Variants in FOXN3 observed in about 807,000 individuals in gnomAD.
FOXN3 encodes the protein forkhead box protein N3.
FOXN3 carries 7 observed loss-of-function variants against 38.4 expected under a neutral mutation model. That is an observed-to-expected ratio of 0.18 (90% CI 0.10 to 0.34). The LOEUF is 0.34. Among genes scored for constraint, FOXN3 ranks in the 10% least tolerant of loss-of-function variants. The pLI is 1.00. For synonymous variants in FOXN3, 230 were observed against 242.2 expected, an observed-to-expected ratio of 0.95 and a Z score of 0.47; for missense variants, 456 against 613.4, an observed-to-expected ratio of 0.74 and a Z score of 2.71.
chr14:89,312,156 G>C (rs1420148141), intron 3 of FOXN3, among the ~76,000 whole-genome samples: 4 of 151,160 alleles, frequency 2.6e-5, no homozygotes, highest in Non-Finnish European at 4.4e-5. Flanking sequence ...GTGGTGGCGG[G>C]CACCTGTAAT....
rs890811987 is a variant in FOXN3, at chr14:89,161,343, A to G, written c.*1071T>C. The G allele has an allele frequency of 2.0e-5, 3 of 151,058 alleles. No homozygotes were observed. The highest frequency in any genetic ancestry group is 7.3e-5 in the African/African-American group (3 of 41,176). 9.4% of individuals were successfully genotyped at this position (151,058 alleles called of 1,614,324 possible). On this transcript the variant is annotated 3_prime_UTR_variant, in exon 6 of 6. Coordinates refer to ENST00000557258, the MANE Select transcript of FOXN3 (RefSeq NM_005197.4). ...TCCATCAGTGTACCTTTAATCTTAA[A>G]AATACACCACAATACTAATGGCAGG...
intron 1 of FOXN3, among the ~76,000 whole-genome samples, chr14:89,596,842 G>T (rs1408666057): frequency 6.6e-6 from 1 of 150,780 alleles, no homozygotes; most frequent in Admixed American, 6.6e-5. Flanking sequence ...ATCTTTTAAA[G>T]ATAGTTATAC....
At chr14:89,227,525 C>T (rs1025966199) in intron 4 of FOXN3, among the ~76,000 whole-genome samples, 3 of 152,078 alleles carry the variant, frequency 2.0e-5, no homozygotes, top group Admixed American at 1.3e-4. Flanking sequence ...TGAAATGTGG[C>T]GGGTCAGTCA....
chr14:89,243,146 CA>C (rs1861547770), intron 4 of FOXN3, among the ~76,000 whole-genome samples: 1 of 152,116 alleles, frequency 6.6e-6, no homozygotes, highest in Non-Finnish European at 1.5e-5. Flanking sequence ...CTCCTATCCC[CA>C]AAGGGCCTGC....
intron 1 of FOXN3, among the ~76,000 whole-genome samples, chr14:89,505,892 G>T (rs1321765708): frequency 6.8e-6 from 1 of 146,406 alleles, no homozygotes; most frequent in African/African-American, 2.5e-5. Context: ...CTGCCGCCCC[G>T]TCTGGGATGT....
At chr14:89,520,937 G>T (rs1008532650) in intron 1 of FOXN3, among the ~76,000 whole-genome samples, 1 of 152,162 alleles carries the variant, frequency 6.6e-6, no homozygotes, top group African/African-American at 2.4e-5. Flanking sequence ...TGTAAAATAT[G>T]CTCATCATAA....
intron 1 of FOXN3, among the ~76,000 whole-genome samples, chr14:89,532,026 C>T (rs1894581592): frequency 6.6e-6 from 1 of 152,196 alleles, no homozygotes; most frequent in South Asian, 2.1e-4. Flanking sequence ...GCACCAGTAT[C>T]ACTTGGGAAT....
chr14:89,246,796 C>T (rs1885313237), intron 4 of FOXN3, among the ~76,000 whole-genome samples: 1 of 152,106 alleles, frequency 6.6e-6, no homozygotes, highest in Admixed American at 6.6e-5. Context: ...GCCTCAGCCT[C>T]CCAAAGTGCT....
intron 1 of FOXN3, among the ~76,000 whole-genome samples, chr14:89,487,310 C>T (rs911540918): frequency 6.6e-5 from 10 of 152,218 alleles, no homozygotes; most frequent in African/African-American, 2.2e-4. Flanking sequence ...TCAACGAACT[C>T]TCTAATGAAA....
At chr14:89,494,580 G>GCCCC (rs752889975) in intron 1 of FOXN3, among the ~76,000 whole-genome samples, 6 of 152,192 alleles carry the variant, frequency 3.9e-5, no homozygotes, top group Non-Finnish European at 5.9e-5. Flanking sequence ...TGAGCATCTT[G>GCCCC]TCTCCCCTAA....
chr14:89,461,148 C>A (rs1010248451), intron 1 of FOXN3, among the ~76,000 whole-genome samples: 2 of 151,840 alleles, frequency 1.3e-5, no homozygotes, highest in Admixed American at 1.3e-4. Context: ...CATGGCCAAC[C>A]AACATGGTGA....
At chr14:89,309,600 C>G (rs1164898790) in intron 3 of FOXN3, among the ~76,000 whole-genome samples, 3 of 152,190 alleles carry the variant, frequency 2.0e-5, no homozygotes, top group Non-Finnish European at 2.9e-5. Flanking sequence ...GGGGGAGATG[C>G]ACTTTAGCCC....
intron 2 of FOXN3, chr14:89,401,486 C>T (rs1312953745): frequency 2.3e-6 from 1 of 432,498 alleles, no homozygotes; most frequent in Non-Finnish European, 4.6e-6. Flanking sequence ...GCTGCAAACA[C>T]CAGTTCTCAA....
intron 1 of FOXN3, among the ~76,000 whole-genome samples, chr14:89,441,315 A>G (rs1260288403): frequency 6.6e-6 from 1 of 151,540 alleles, no homozygotes; most frequent in Non-Finnish European, 1.5e-5. Flanking sequence ...CCTCCTCCCA[A>G]TTACCTGAAC....
chr14:89,414,867 A>T (rs1406043688), intron 1 of FOXN3, among the ~76,000 whole-genome samples: 2 of 152,142 alleles, frequency 1.3e-5, no homozygotes, highest in African/African-American at 4.8e-5. Flanking sequence ...CCCAACTCTT[A>T]AGGAGAGAAA....
chr14:89,355,886 AC>A lies in FOXN3; in HGVS notation c.544-5079del, dbSNP rs1303137111. On this transcript the variant is annotated intron_variant, in intron 2 of 5. Coordinates refer to ENST00000557258, the MANE Select transcript of FOXN3 (RefSeq NM_005197.4). Reference sequence around the variant, plus strand: ...CCCTATTAGCAACAGTGGGGGACTTACACGTGGCTCTGGGGCAGTGCCTAAA... The same window carrying A: ...CCCTATTAGCAACAGTGGGGGACTTAACGTGGCTCTGGGGCAGTGCCTAAA... Among the ~76,000 whole-genome samples, 3 of 152,084 alleles carry A rather than the reference AC, an allele frequency of 2.0e-5. No homozygotes were observed. In the East Asian group the frequency reaches 5.8e-4, roughly 29 times the overall value.
intron 2 of FOXN3, among the ~76,000 whole-genome samples, chr14:89,382,727 A>G (rs1890683063): frequency 6.6e-6 from 1 of 152,188 alleles, no homozygotes; most frequent in South Asian, 2.1e-4. Flanking sequence ...TGGAACAATC[A>G]TTGCCACTTT....
intron 1 of FOXN3, among the ~76,000 whole-genome samples, chr14:89,466,214 C>T (rs923227323): frequency 3.3e-5 from 5 of 152,126 alleles, no homozygotes; most frequent in African/African-American, 1.2e-4. Context: ...AGTATCTGTG[C>T]CTTCCGAAAT....
chr14:89,324,420 G>GT (rs1887981398), intron 3 of FOXN3, among the ~76,000 whole-genome samples: 1 of 148,568 alleles, frequency 6.7e-6, no homozygotes, highest in Non-Finnish European at 1.5e-5. Flanking sequence ...ATACTGATTT[G>GT]GTTTGAAACA....
Sources: allele counts gnomAD v4.1 joint callset (sites outside exome capture counted in the v4.1 genomes callset), GRCh38; gene constraint gnomAD v4.1.1; transcripts MANE v1.5; gene names NCBI Gene and HGNC (gene_info 2026-07-23, HGNC 2026-07-21).